The following STK3 variants were observed in gnomAD, a reference collection of about 807,000 sequenced individuals.
STK3 encodes the protein serine/threonine-protein kinase 3.
In STK3, 41 loss-of-function variants were observed where a neutral mutation model predicts 58.0. The ratio of observed to expected loss-of-function variants is 0.71; its 90% CI spans 0.55 to 0.92. The LOEUF is 0.92. STK3 is among the 40% of genes least tolerant of loss of function. STK3 has a pLI of 0.00. For synonymous variants in STK3, 170 were observed against 191.0 expected (o/e 0.89, Z 0.91); for missense variants, 479 against 602.7 (o/e 0.79, Z 2.15).
chr8:98,787,609 T>C (rs1832553316), intron 1 of STK3, among the ~76,000 whole-genome samples: 1 of 152,050 alleles, frequency 6.6e-6, no homozygotes, highest in Non-Finnish European at 1.5e-5. Context: ...CACAAAAAGA[T>C]CATCGCCTAG....
intron 6 of STK3, among the ~76,000 whole-genome samples, chr8:98,606,850 T>C (rs1022963272): frequency 6.6e-6 from 1 of 152,240 alleles, no homozygotes; most frequent in Admixed American, 6.5e-5. Flanking sequence ...GTATAGTTCT[T>C]TCCTGAATTC....
chr8:98,843,334 G>A (rs984455274), intron 3 of STK3, among the ~76,000 whole-genome samples: 1 of 152,206 alleles, frequency 6.6e-6, no homozygotes, highest in African/African-American at 2.4e-5. Flanking sequence ...GAAAGACCCT[G>A]AAATAGAGCA....
rs114741575 is a variant in STK3, at chr8:98,798,993, C to T, written c.27-24174G>A. Reference sequence around the variant, plus strand: ...GAGGCAGAGAGCAGCCCTTATTGGACAACCAAACCTGCTGGCAGCTTGATC... The same window carrying T: ...GAGGCAGAGAGCAGCCCTTATTGGATAACCAAACCTGCTGGCAGCTTGATC... On this transcript the variant is annotated intron_variant, in intron 1 of 10. Transcript: ENST00000419617. Among the ~76,000 whole-genome samples the T allele has an allele frequency of 2.3e-3, 350 of 152,290 alleles. 1 individual carries two copies. The highest frequency in any genetic ancestry group is 7.8e-3 in the African/African-American group (326 of 41,570).
intron 3 of STK3, among the ~76,000 whole-genome samples, chr8:98,761,219 G>A (rs542499690): frequency 2.0e-4 from 30 of 151,754 alleles, no homozygotes; most frequent in African/African-American, 7.3e-4. Context: ...TGCTTCCTGG[G>A]CTCAAGCAAT....
intron 8 of STK3, among the ~76,000 whole-genome samples, chr8:98,550,566 T>C (rs1158149416): frequency 6.6e-6 from 1 of 152,182 alleles, no homozygotes; most frequent in Non-Finnish European, 1.5e-5. Context: ...TCCCTATATA[T>C]GCATCAGTCA....
At chr8:98,561,406 G>A (rs868525418) in intron 8 of STK3, among the ~76,000 whole-genome samples, 65 of 151,836 alleles carry the variant, frequency 4.3e-4, no homozygotes, top group Admixed American at 5.2e-4. Context: ...AAAACCTATA[G>A]AAGAAAACTC....
chr8:98,497,838 G>C (rs1042792022), intron 10 of STK3, among the ~76,000 whole-genome samples: 2 of 152,132 alleles, frequency 1.3e-5, no homozygotes, highest in Admixed American at 1.3e-4. Context: ...CTCATACACT[G>C]CTGACAGGAA....
chr8:98,794,671 G>A (rs1055309194), intron 1 of STK3, among the ~76,000 whole-genome samples: 6 of 152,102 alleles, frequency 3.9e-5, no homozygotes, highest in African/African-American at 1.4e-4. Flanking sequence ...TTCGAAGGAT[G>A]CATCACCCTG....
the STK3 span, among the ~76,000 whole-genome samples, chr8:98,353,180 A>G: frequency 9.2e-5 from 14 of 152,210 alleles, no homozygotes; most frequent in African/African-American, 3.4e-4. Context: ...CATAAGGTGT[A>G]TATGAAACAT....
At position 98,555,648 on chromosome 8, in the gene STK3, AT is replaced by A. The variant is rs541642796; in HGVS notation, c.949-7488del. Among the ~76,000 whole-genome samples the A allele has an allele frequency of 9.8e-4, 150 of 152,294 alleles. 1 individual carries two copies. Among genetic ancestry groups the A allele is most frequent in the Non-Finnish European group, 1.6e-3 (110 of 68,016 alleles). ...TGCATTCTGCTATAGCATGAAAAAA[AT>A]ATTCTTCAGAAAAAAACGTGTAAAA... On this transcript the variant is annotated intron_variant, in intron 8 of 10. Coordinates refer to ENST00000419617, the MANE Select transcript of STK3 (RefSeq NM_006281.4).
At position 98,749,313 on chromosome 8, in the gene STK3, C is replaced by A; in HGVS notation, c.314G>T (p.Gly105Val). ...LWIVMEYCGA[G>V]SVSDIIRLRN... is the part of the protein sequence containing the mutation. ...TAATCTAATTATGTCTGAGACAGAG[C>A]CAGCGCCACAGTACTCCATAACAAT... is the stretch of plus-strand genomic sequence containing the variant. The change falls in exon 4 of 11, where the codon GGC becomes GTC. Residue 105 changes from glycine to valine, a missense_variant. By Grantham distance (109) the Gly-to-Val change is moderately radical (BLOSUM62 -3). Around this residue, in one of 3 missense-constraint regions of STK3, gnomAD observed 126 missense variants for 210.1 expected, o/e 0.60. Transcript: ENST00000419617. 1 of 1,608,788 alleles carries A rather than the reference C, an allele frequency of 6.2e-7. No individual in the cohort carries two copies. Among genetic ancestry groups the A allele is most frequent in the Non-Finnish European group, 8.5e-7 (1 of 1,176,890 alleles).
At chr8:98,932,265 A>G (rs1308908448) in intron 1 of STK3, among the ~76,000 whole-genome samples, 1 of 152,250 alleles carries the variant, frequency 6.6e-6, no homozygotes, top group Non-Finnish European at 1.5e-5. Flanking sequence ...GGTAGTTGGG[A>G]GTAATGCTTA....
intron 4 of STK3, among the ~76,000 whole-genome samples, chr8:98,726,914 G>A (rs1186360691): frequency 2.0e-5 from 3 of 152,150 alleles, no homozygotes; most frequent in Admixed American, 2.0e-4. Flanking sequence ...CACAGTTTAA[G>A]ATTCATTTTG....
At chr8:98,886,059 A>C (rs1837977058) in intron 1 of STK3, among the ~76,000 whole-genome samples, 1 of 152,266 alleles carries the variant, frequency 6.6e-6, no homozygotes, top group African/African-American at 2.4e-5. Flanking sequence ...GAGTGAGAAG[A>C]GGGCGAAAGG....
At chr8:98,707,668 G>C (rs147731165) in intron 4 of STK3, among the ~76,000 whole-genome samples, 1 of 152,058 alleles carries the variant, frequency 6.6e-6, no homozygotes, top group Non-Finnish European at 1.5e-5. Context: ...GCTTCCCAAA[G>C]TGTTGGGATT....
At chr8:98,722,551 T>A (rs1827508676) in intron 4 of STK3, among the ~76,000 whole-genome samples, 1 of 152,166 alleles carries the variant, frequency 6.6e-6, no homozygotes, top group African/African-American at 2.4e-5. Context: ...TTAACCTTTT[T>A]GTTATTAAAA....
intron 6 of STK3, chr8:98,603,293 G>C (rs1816507667): frequency 6.6e-6 from 1 of 151,750 alleles, no homozygotes; most frequent in Admixed American, 6.6e-5. Flanking sequence ...CTGGAGTGCA[G>C]TGACATGATC....
At chr8:98,756,502 GA>G (rs200938125) in intron 3 of STK3, among the ~76,000 whole-genome samples, 2 of 151,112 alleles carry the variant, frequency 1.3e-5, no homozygotes, top group Non-Finnish European at 3.0e-5. Flanking sequence ...TTGAAATACA[GA>G]AAAAAAAATC....
intron 7 of STK3, among the ~76,000 whole-genome samples, chr8:98,591,667 C>T (rs762898028): frequency 5.3e-5 from 8 of 151,970 alleles, no homozygotes; most frequent in Non-Finnish European, 7.4e-5. Context: ...ATTGGACATA[C>T]CGAGATTTTG....
Sources: allele counts gnomAD v4.1 joint callset (sites outside exome capture counted in the v4.1 genomes callset), GRCh38; gene constraint gnomAD v4.1.1; regional missense constraint gnomAD v4.1.1; transcripts MANE v1.5; gene names NCBI Gene and HGNC (gene_info 2026-07-23, HGNC 2026-07-21).